The following COCH variants were observed in gnomAD, a reference collection of about 807,000 sequenced individuals.
COCH encodes the protein coagulation factor C homolog, cochlin (Limulus polyphemus).
In COCH, 40 loss-of-function variants were observed where a neutral mutation model predicts 54.8. That is an observed-to-expected ratio of 0.73 (90% CI 0.57 to 0.95). The LOEUF (loss-of-function observed/expected upper bound fraction) is 0.95. Among genes scored for constraint, COCH ranks in the 40% least tolerant of loss-of-function variants. COCH has a pLI of 0.00. For missense variants in COCH, 605 were observed against 675.0 expected (o/e 0.90, Z 1.15); for synonymous variants, 256 against 237.9 (o/e 1.08, Z -0.70).
At chr14:30,894,410 A>G (rs77648929), downstream of COCH, 1 of 152,802 alleles carries the variant, frequency 6.5e-6, no homozygotes, top group African/African-American at 2.4e-5. Context: ...GCACATTAAT[A>G]AAAGGATATA....
chr14:30,890,204 T>C lies in COCH; in HGVS notation c.*413T>C, dbSNP rs1895935310. 4.0e-6 allele frequency: 4 copies of C among 990,626 alleles called. No individual in the cohort carries two copies. Among genetic ancestry groups the C allele is most frequent in the South Asian group, 4.6e-5 (1 of 21,722 alleles). The allele number at this position is 990,626 out of a possible 1,614,324, so 61.4% of individuals were successfully genotyped here. On this transcript the variant is annotated 3_prime_UTR_variant, in exon 12 of 12. Coordinates refer to ENST00000396618, the MANE Select transcript of COCH (RefSeq NM_004086.3). ...AGCAAAATGAAAAGAGAAACTTAAA[T>C]GAACACAGCTCTTTAACATGGTTCA...
In COCH at chr14:30,880,665, T is replaced by G; in HGVS notation, c.560T>G (p.Phe187Cys). Reference sequence around the variant, plus strand: ...CGCCGATTTAATTTACAGAAGAATTTTGTTGGAAAAGTGGCTCTAATGTTG... The same window carrying G: ...CGCCGATTTAATTTACAGAAGAATTGTGTTGGAAAAGTGGCTCTAATGTTG... ...GQRRFNLQKN[F>C]VGKVALMLGI... Residue 187 changes from phenylalanine to cysteine, a missense_variant, in exon 8 of 12, where the codon TTT (phenylalanine) becomes TGT (cysteine). Physicochemically the swap from Phe to Cys is radical, Grantham distance 205 (BLOSUM62 -2). Coordinates refer to ENST00000396618, the MANE Select transcript of COCH (RefSeq NM_004086.3). The G allele has an allele frequency of 6.2e-7, 1 of 1,614,146 alleles. No individual in the cohort carries two copies. The highest frequency in any genetic ancestry group is 8.5e-7 in the Non-Finnish European group (1 of 1,180,022).
chr14:30,879,318 C>T, intron 5 of COCH, 105 bp from the exon 6 acceptor site: 10 of 1,148,766 alleles, frequency 8.7e-6, no homozygotes, highest in Non-Finnish European at 1.3e-5. Flanking sequence ...ACTACAATCA[C>T]CATTACCCTA....
chr14:30,895,022 A>G, downstream of COCH: 1 of 266,172 alleles, frequency 3.8e-6, no homozygotes. Context: ...AGAGCACCAC[A>G]TTCCTAACCC....
downstream of COCH, among the ~76,000 whole-genome samples, chr14:30,892,086 TAA>T (rs940396945): frequency 4.8e-5 from 7 of 145,564 alleles, no homozygotes; most frequent in Admixed American, 2.9e-4. Flanking sequence ...ATCAACATAT[TAA>T]GATTTGTATA....
chr14:30,882,470 T>A (rs7148651), intron 8 of COCH, among the ~76,000 whole-genome samples: 147,179 of 152,012 alleles, frequency 0.97, 71,404 homozygotes, highest in Non-Finnish European at 1. Flanking sequence ...TATTATTTTT[T>A]AAAAACTCAG....
Position 30,889,822 on chromosome 14 carries a change from T to G in COCH, c.*31T>G, listed in dbSNP as rs774998807. ...ACATTTTGACAACTGAAAGAAAAAG[T>G]ACAAGGGGATCCAGTGTGTAAATTG... On this transcript the variant is annotated 3_prime_UTR_variant, in exon 12 of 12. Transcript: ENST00000396618. 10 of 1,601,796 alleles carry G rather than the reference T, an allele frequency of 6.2e-6. No individual in the cohort carries two copies. The highest frequency in any genetic ancestry group is 8.5e-6 in the Non-Finnish European group (10 of 1,171,632).
chr14:30,875,305 G>A (rs1895316893), intron 3 of COCH: 9 of 743,534 alleles, frequency 1.2e-5, no homozygotes, highest in Non-Finnish European at 1.9e-5. Flanking sequence ...CATGGTAGGG[G>A]GCCCCTGGGG....
Position 30,878,431 on chromosome 14 carries a change from C to G in COCH, c.240-380C>G, listed in dbSNP as rs1178046937. On this transcript the variant is annotated intron_variant, in intron 4 of 11. Transcript: ENST00000396618. ...ATCCCACCACTTTGGGAGGCTGAGG[C>G]GGATGGACCACTTGAGGTCAGGAGT... is the stretch of plus-strand genomic sequence containing the variant. 2.0e-5 allele frequency among the ~76,000 whole-genome samples: 3 copies of G among 152,238 alleles called. No homozygotes were observed. The South Asian group carries it at 6.2e-4, about 32-fold the overall frequency.
In COCH at chr14:30,880,515, A is replaced by G; in HGVS notation, c.481+19A>G. On this transcript the variant is annotated intron_variant, in intron 7 of 11. Coordinates refer to ENST00000396618, the MANE Select transcript of COCH (RefSeq NM_004086.3). ...AATAAAGGTAAGAATCAAGATCTCC[A>G]TTTGGGAAGGTAGCATTTTCCCTCC... 2 of 1,614,174 alleles carry G rather than the reference A, an allele frequency of 1.2e-6. No individual in the cohort carries two copies. The highest frequency in any genetic ancestry group is 1.7e-6 in the Non-Finnish European group (2 of 1,180,032).
At chr14:30,874,710 G>A (rs908331106) in intron 1 of COCH, 119 bp downstream of exon 1, 2 of 607,672 alleles carry the variant, frequency 3.3e-6, no homozygotes, top group Non-Finnish European at 2.9e-6. Flanking sequence ...CCCGCGGTGC[G>A]GGGTTGCACA....
At chr14:30,885,347 T>C in intron 9 of COCH, 47 bp from the exon 10 acceptor site, 1 of 1,451,180 alleles carries the variant, frequency 6.9e-7, no homozygotes, top group Non-Finnish European at 9.7e-7. Context: ...AGAAATGTGG[T>C]TTGAGCAGTG....
At chr14:30,889,171 T>C (rs2073204) in intron 11 of COCH, 15,298 of 162,516 alleles carry the variant, frequency 0.094, 1,038 homozygotes, top group South Asian at 0.28. Flanking sequence ...CATTCTTCCT[T>C]GCTTTAATGG....
chr14:30,889,863 G>A lies in COCH; in HGVS notation c.*72G>A. ...GTGTAAATTGTATTCTCATAATACT[G>A]AAATGCTTTAGCATACTAGAATCAG... On this transcript the variant is annotated 3_prime_UTR_variant, in exon 12 of 12. Coordinates refer to ENST00000396618, the MANE Select transcript of COCH (RefSeq NM_004086.3). 3.9e-6 allele frequency: 6 copies of A among 1,548,344 alleles called. No individual in the cohort carries two copies. The highest frequency in any genetic ancestry group is 5.2e-6 in the Non-Finnish European group (6 of 1,145,914).
In COCH at chr14:30,877,610, A is replaced by G. The variant is rs1279607798; in HGVS notation, c.121A>G (p.Ile41Val). Residue 41 changes from isoleucine to valine, a missense_variant, in exon 4 of 12, where the codon ATC (isoleucine) becomes GTC (valine). Physicochemically the swap from Ile to Val is conservative, Grantham distance 29. Transcript: ENST00000396618. This position sits in a 1 kb window ranked among gnomAD's most constrained non-coding sequence, Gnocchi z 8.6. ...AITCFTRGLD[I>V]RKEKADVLCP... ...CACATGTTTTACCAGAGGCTTGGAC[A>G]TCAGGAAAGAGAAAGCAGATGTCCT... 6.2e-7 allele frequency: 1 copy of G among 1,614,230 alleles called. No individual in the cohort carries two copies. Among genetic ancestry groups the G allele is most frequent in the South Asian group, 1.1e-5 (1 of 91,092 alleles).
Position 30,882,120 on chromosome 14 carries a change from G to GTTTTGTTTTTT in COCH, c.629+1390_629+1391insGTTTTTTTTTT, listed in dbSNP as rs1895617844. On this transcript the variant is annotated intron_variant, in intron 8 of 11. Coordinates refer to ENST00000396618, the MANE Select transcript of COCH (RefSeq NM_004086.3). Reference sequence around the variant, plus strand: ...CCCTAGAGATAATCACTATAAAATGGTTTTTTTTTTTTTTTTTTTTTTTTT... The same window carrying GTTTTGTTTTTT: ...CCCTAGAGATAATCACTATAAAATGGTTTTGTTTTTTTTTTTTTTTTTTTTTTTTTTTTTTT... 7.5e-4 allele frequency among the ~76,000 whole-genome samples: 51 copies of GTTTTGTTTTTT among 67,906 alleles called. 1 individual carries two copies. The East Asian group carries it at 0.013, about 18-fold the overall frequency. The allele number at this position is 67,906 out of a possible 152,430, so 44.5% of individuals were successfully genotyped here.
chr14:30,891,360 G>A (rs571531443), downstream of COCH, among the ~76,000 whole-genome samples: 17 of 152,112 alleles, frequency 1.1e-4, no homozygotes, highest in African/African-American at 4.1e-4. Context: ...ATCCACCTAA[G>A]CCCCCTGAAA....
downstream of COCH, among the ~76,000 whole-genome samples, chr14:30,891,581 A>G (rs1895983323): frequency 1.3e-5 from 2 of 152,224 alleles, no homozygotes; most frequent in African/African-American, 2.4e-5. Context: ...ATCATGTAAC[A>G]GGGATAATTT....
Position 30,886,199 on chromosome 14 carries a change from G to T in COCH, c.1364G>T (p.Arg455Ile). 6.2e-7 allele frequency: 1 copy of T among 1,611,368 alleles called. No individual in the cohort carries two copies. The highest frequency in any genetic ancestry group is 8.5e-7 in the Non-Finnish European group (1 of 1,178,164). Residue 455 changes from arginine to isoleucine, a missense_variant, in exon 11 of 12, where the codon AGA (arginine) becomes ATA (isoleucine). By Grantham distance (97) the Arg-to-Ile change is moderately conservative (BLOSUM62 -3). Coordinates refer to ENST00000396618, the MANE Select transcript of COCH (RefSeq NM_004086.3). ...GGTGATGCCATTTCCTTCACTGTTA[G>T]AAATGTGTTTGGCCCTATAAGGGAG... is the stretch of plus-strand genomic sequence containing the variant. ...ATGDAISFTV[R>I]NVFGPIRESP...
Sources: gnomAD v4.1 joint callset for allele counts (sites outside exome capture counted in the v4.1 genomes callset) on GRCh38, gnomAD v4.1.1 for gene constraint, Gnocchi (gnomAD v3.1) non-coding constraint, MANE v1.5 for transcripts, NCBI Gene and HGNC (gene_info 2026-07-23, HGNC 2026-07-21) for gene names.